ZNF534: variants seen among roughly 807,000 people sequenced by gnomAD.
ZNF534 encodes the protein KRAB domain only 3.
In ZNF534, 19 loss-of-function variants were observed where a neutral mutation model predicts 13.6. The observed-to-expected ratio is 1.40, with a 90% confidence interval of 0.97 to 2.05. The LOEUF is 2.05. Among genes scored for constraint, ZNF534 ranks in the 30% most tolerant of loss-of-function variants. ZNF534 has a pLI of 0.00. For missense variants in ZNF534, 782 were observed against 796.3 expected, an observed-to-expected ratio of 0.98 and a Z score of 0.22; for synonymous variants, 244 against 273.8, an observed-to-expected ratio of 0.89 and a Z score of 1.07.
rs2059138767 is a variant in ZNF534, at chr19:52,437,894, T to G, written c.434T>G (p.Val145Gly). 1.9e-6 allele frequency: 3 copies of G among 1,613,452 alleles called. No homozygotes were observed. The highest frequency in any genetic ancestry group is 1.3e-5 in the African/African-American group (1 of 75,046). Residue 145 changes from valine (V) to glycine (G), a missense_variant, in exon 5 of 5, where the codon GTT (valine) becomes GGT (glycine). Val to Gly is a moderately radical substitution (Grantham distance 109, BLOSUM62 -3). Around this residue, in one of 5 missense-constraint regions of ZNF534, gnomAD observed 591 missense variants for 574.0 expected, o/e 1.03. Transcript: ENST00000433050. ...VEKSISDNSS[V>G]SPVQISFFSV... Reference sequence around the variant, plus strand: ...AAATCTATCAGTGACAATTCTTCAGTTTCACCAGTTCAAATAAGTTTTTTC... The same window carrying G: ...AAATCTATCAGTGACAATTCTTCAGGTTCACCAGTTCAAATAAGTTTTTTC...
chr19:52,433,684 A>C (rs1451493265), intron 2 of ZNF534, among the ~76,000 whole-genome samples: 1 of 152,222 alleles, frequency 6.6e-6, no homozygotes, highest in East Asian at 1.9e-4. Context: ...TAACATTTCT[A>C]TACAGATAAC....
chr19:52,445,727 GCAGTC>G (rs2059192426), downstream of ZNF534, among the ~76,000 whole-genome samples: 2 of 12,106 alleles, frequency 1.7e-4, 1 homozygote, highest in Non-Finnish European at 3.9e-4. Context: ...ATTTACTCTT[GCAGTC>G]ATTCTGGAGC....
At position 52,439,070 on chromosome 19, in the gene ZNF534, T is replaced by C; in HGVS notation, c.1610T>C (p.Leu537Pro). ...AAGGTCTTCCGTCGGAATTCACACCTTGTGCGACATAGGAATGTTCATACT... is the reference window on the plus strand; with the variant it reads ...AAGGTCTTCCGTCGGAATTCACACCCTGTGCGACATAGGAATGTTCATACT... ...CGKVFRRNSH[L>P]VRHRNVHTGE... The change falls in exon 5 of 5, where the codon CTT becomes CCT. Residue 537 changes from leucine (L) to proline (P), a missense_variant. Physicochemically the swap from Leu to Pro is moderately conservative, Grantham distance 98. Transcript: ENST00000433050. 1 of 1,593,974 alleles carries C rather than the reference T, an allele frequency of 6.3e-7. No individual in the cohort carries two copies. The highest frequency in any genetic ancestry group is 1.3e-5 in the African/African-American group (1 of 74,286).
downstream of ZNF534, among the ~76,000 whole-genome samples, chr19:52,447,059 A>G (rs1451755502): frequency 6.6e-6 from 1 of 152,094 alleles, no homozygotes; most frequent in Non-Finnish European, 1.5e-5. Flanking sequence ...TTATATCTTT[A>G]TCTCTGTCCT....
At chr19:52,449,478 T>G (rs539171056) in intron 4 of ZNF534, among the ~76,000 whole-genome samples, 64 of 152,330 alleles carry the variant, frequency 4.2e-4, no homozygotes, top group South Asian at 1.0e-3. Context: ...TATACTAATT[T>G]GCATTCTCAC....
Position 52,439,003 on chromosome 19 carries a change from A to G in ZNF534, c.1543A>G (p.Ile515Val), listed in dbSNP as rs755693848. Residue 515 changes from isoleucine (I) to valine (V), a missense_variant, in exon 5 of 5, where the codon ATT becomes GTT. Ile to Val is a conservative substitution (Grantham distance 29). Coordinates refer to ENST00000433050, the MANE Select transcript of ZNF534 (RefSeq NM_001143938.3). The part of the protein sequence containing the change: ...QNSHLAQHRD[I>V]HTGEKPYSCN... ...TTCACACCTTGCACAACATAGGGAT[A>G]TTCATACTGGAGAGAAGCCTTACAG... is the stretch of plus-strand genomic sequence containing the variant. The G allele has an allele frequency of 6.2e-6, 10 of 1,603,806 alleles. No individual in the cohort carries two copies. The highest frequency in any genetic ancestry group is 1.1e-5 in the South Asian group (1 of 90,090).
In ZNF534 at chr19:52,442,299, G is replaced by A. The variant is rs980171144; in HGVS notation, c.*2853G>A. Among the ~76,000 whole-genome samples the A allele has an allele frequency of 1.3e-5, 2 of 152,178 alleles. No individual in the cohort carries two copies. Among genetic ancestry groups the A allele is most frequent in the African/African-American group, 4.8e-5 (2 of 41,440 alleles). On this transcript the variant is annotated 3_prime_UTR_variant, in exon 5 of 5. Transcript: ENST00000433050. ...GCAAAGAACACCTGGCCCACCCAGG[G>A]CAGAAAAACCGCTTAAGGCGTTCCA...
rs375565007 is a variant in ZNF534, at chr19:52,437,797, C to A, written c.337C>A (p.Leu113Ile). The A allele has an allele frequency of 1.7e-5, 28 of 1,611,282 alleles. No individual in the cohort carries two copies. The African/African-American group carries it at 3.5e-4, about 20-fold the overall frequency. The change falls in exon 5 of 5, where the codon CTT becomes ATT. Residue 113 changes from leucine to isoleucine, a missense_variant. Physicochemically the swap from Leu to Ile is conservative, Grantham distance 5 (BLOSUM62 2). Coordinates refer to ENST00000433050, the MANE Select transcript of ZNF534 (RefSeq NM_001143938.3). ...ACTTAAAAATCAACATGGATTAACTCTTCAGTTACATCTGACTGAATGGCA... is the reference window on the plus strand; with the variant it reads ...ACTTAAAAATCAACATGGATTAACTATTCAGTTACATCTGACTGAATGGCA... ...KSLKNQHGLTLQLHLTEWQPF... is the reference protein window; with the variant it reads ...KSLKNQHGLTIQLHLTEWQPF...
Position 52,438,647 on chromosome 19 carries a change from G to A in ZNF534, c.1187G>A (p.Arg396His), listed in dbSNP as rs780014293. 37 of 1,583,630 alleles carry A rather than the reference G, an allele frequency of 2.3e-5. No individual in the cohort carries two copies. The highest frequency in any genetic ancestry group is 1.1e-4 in the African/African-American group (8 of 73,658). ...ECGKVFIGNS[R>H]LARHRKIHTG... ...GGCAAGGTCTTTATTGGCAATTCAC[G>A]CCTTGCACGACATAGGAAAATTCAT... Residue 396 changes from arginine (R) to histidine (H), a missense_variant, in exon 5 of 5, where the codon CGC becomes CAC. Transcript: ENST00000433050.
Position 52,438,784 on chromosome 19 carries a change from G to A in ZNF534, c.1324G>A (p.Asp442Asn), listed in dbSNP as rs935879951. Residue 442 changes from aspartate (D) to asparagine (N), a missense_variant, in exon 5 of 5, where the codon GAC (aspartate) becomes AAC (asparagine). Around this residue, in one of 5 missense-constraint regions of ZNF534, gnomAD observed 591 missense variants for 574.0 expected, o/e 1.03. Coordinates refer to ENST00000433050, the MANE Select transcript of ZNF534 (RefSeq NM_001143938.3). ...TGGAGAGAAACCTTACGAATGTATA[G>A]ACTGTGGCAAGGTCTTCAGGCACAA... Reference protein sequence around the residue: ...HTGEKPYECIDCGKVFRHKSS... With the variant: ...HTGEKPYECINCGKVFRHKSS... 3 of 1,608,596 alleles carry A rather than the reference G, an allele frequency of 1.9e-6. No individual in the cohort carries two copies. Among genetic ancestry groups the A allele is most frequent in the Admixed American group, 3.4e-5 (2 of 59,010 alleles).
downstream of ZNF534, among the ~76,000 whole-genome samples, chr19:52,445,489 A>T (rs1003169617): frequency 6.6e-6 from 1 of 152,092 alleles, no homozygotes; most frequent in Non-Finnish European, 1.5e-5. Flanking sequence ...GAGCCATAGC[A>T]CCCAGCCTCA....
At chr19:52,432,805 T>C (rs1044922148) in intron 2 of ZNF534, among the ~76,000 whole-genome samples, 1 of 151,998 alleles carries the variant, frequency 6.6e-6, no homozygotes, top group Non-Finnish European at 1.5e-5. Flanking sequence ...GCTCATTTTT[T>C]GTATTTAGTA....
chr19:52,451,736 G>T lies in ZNF534; in HGVS notation c.*239G>T, dbSNP rs1251398654. Reference sequence around the variant, plus strand: ...GCTGCAAAACACTTTGTTGATGTAGGAGCTGGTATCACAGATGAAGATTAT... The same window carrying T: ...GCTGCAAAACACTTTGTTGATGTAGTAGCTGGTATCACAGATGAAGATTAT... On this transcript the variant is annotated 3_prime_UTR_variant, in exon 5 of 5. Coordinates refer to the ZNF534 transcript ENST00000301085. 4 of 688,582 alleles carry T rather than the reference G, an allele frequency of 5.8e-6. No individual in the cohort carries two copies. The African/African-American group carries it at 7.2e-5, about 12-fold the overall frequency. The allele number at this position is 688,582 out of a possible 1,614,324, so 42.7% of individuals were successfully genotyped here.
At chr19:52,432,078 A>T (rs895083599) in intron 2 of ZNF534, among the ~76,000 whole-genome samples, 1 of 151,778 alleles carries the variant, frequency 6.6e-6, no homozygotes, top group Non-Finnish European at 1.5e-5. Context: ...TATTTTTATC[A>T]GTTGAAATTA....
chr19:52,442,605 C>G (rs549822804), downstream of ZNF534, among the ~76,000 whole-genome samples: 16 of 152,272 alleles, frequency 1.1e-4, no homozygotes, highest in Middle Eastern at 6.8e-3. Context: ...GGTTAGGGTC[C>G]CCATGACTGA....
At chr19:52,434,205 T>A in intron 3 of ZNF534, 124 bp downstream of exon 3, 1 of 1,453,084 alleles carries the variant, frequency 6.9e-7, no homozygotes, top group Non-Finnish European at 9.2e-7. Context: ...GACTAAGAAA[T>A]GAAAAGCAGG....
chr19:52,441,306 G>C lies in ZNF534; in HGVS notation c.*1860G>C, dbSNP rs1011701619. 2.6e-5 allele frequency among the ~76,000 whole-genome samples: 4 copies of C among 152,184 alleles called. No individual in the cohort carries two copies. The highest frequency in any genetic ancestry group is 5.9e-5 in the Non-Finnish European group (4 of 68,028). ...AAGGTGAGAGGATTGCTTGAACCCAGGAGTTTGAGACCAACCTGGGTAACA... is the reference window on the plus strand; with the variant it reads ...AAGGTGAGAGGATTGCTTGAACCCACGAGTTTGAGACCAACCTGGGTAACA... On this transcript the variant is annotated 3_prime_UTR_variant, in exon 5 of 5. Coordinates refer to ENST00000433050, the MANE Select transcript of ZNF534 (RefSeq NM_001143938.3).
rs1473215529 is a variant in ZNF534, at chr19:52,438,309, C to G, written c.849C>G (p.Ala283=). The G allele has an allele frequency of 6.2e-7, 1 of 1,606,004 alleles. No homozygotes were observed. The highest frequency in any genetic ancestry group is 1.3e-5 in the African/African-American group (1 of 74,806). Reference sequence around the variant, plus strand: ...GTGGGAAAGTCTTTAGTCACCATGCCTACCTTGCACAGCATAGGAAAATTC... The same window carrying G: ...GTGGGAAAGTCTTTAGTCACCATGCGTACCTTGCACAGCATAGGAAAATTC... ...KECGKVFSHH[A]YLAQHRKIHT... is the part of the protein sequence containing the mutation. The change falls in exon 5 of 5, where the codon GCC becomes GCG. Residue 283 remains alanine, a synonymous_variant. Coordinates refer to ENST00000433050, the MANE Select transcript of ZNF534 (RefSeq NM_001143938.3).
At chr19:52,450,278 T>C (rs1280159328) in intron 4 of ZNF534, among the ~76,000 whole-genome samples, 2 of 152,300 alleles carry the variant, frequency 1.3e-5, no homozygotes, top group East Asian at 1.9e-4. Context: ...GTTTTCCTAT[T>C]GTTTTCTTAT....
Sources: gnomAD v4.1 joint callset for allele counts (sites outside exome capture counted in the v4.1 genomes callset) on GRCh38, gnomAD v4.1.1 for gene constraint, gnomAD v4.1.1 regional missense constraint, MANE v1.5 for transcripts, NCBI Gene and HGNC (gene_info 2026-07-23, HGNC 2026-07-21) for gene names.